PHLPP2: variants seen among roughly 807,000 people sequenced by gnomAD.
PHLPP2 encodes PH domain and leucine rich repeat protein phosphatase 2.
A neutral mutation model predicts 124.9 loss-of-function variants in PHLPP2; 66 were observed. The observed-to-expected ratio is 0.53, with a 90% CI of 0.43 to 0.65. PHLPP2 has a LOEUF of 0.65. PHLPP2 is among the 30% of genes least tolerant of loss of function. The probability of loss-of-function intolerance (pLI) is 0.00; values close to 1 mark genes in which losing one functional copy is unlikely to be tolerated. For synonymous variants in PHLPP2, 681 were observed against 624.7 expected, an observed-to-expected ratio of 1.09 and a Z score of -1.34; for missense variants, 1,685 against 1,600.4, an observed-to-expected ratio of 1.05 and a Z score of -0.90.
chr16:71,650,064 A>T lies in PHLPP2; in HGVS notation c.2818-20T>A, dbSNP rs1489003701. On this transcript the variant is annotated intron_variant, in intron 18 of 18. Coordinates refer to ENST00000568954, the MANE Select transcript of PHLPP2 (RefSeq NM_015020.3). ...GTTGTCCTACAGAAGAGCAGGACAC[A>T]AATTCTGAGAAACAAGCAACGATGA... The T allele has an allele frequency of 1.3e-6, 2 of 1,582,076 alleles. No individual in the cohort carries two copies. The highest frequency in any genetic ancestry group is 2.2e-5 in the South Asian group (2 of 90,120).
chr16:71,648,808 G>C lies in PHLPP2; in HGVS notation c.*82C>G. 1 of 984,650 alleles carries C rather than the reference G, an allele frequency of 1.0e-6. No individual in the cohort carries two copies. The allele number at this position is 984,650 out of a possible 1,614,324, so 61.0% of individuals were successfully genotyped here. On this transcript the variant is annotated 3_prime_UTR_variant, in exon 19 of 19. Coordinates refer to ENST00000568954, the MANE Select transcript of PHLPP2 (RefSeq NM_015020.3). ...CAAAAAAAAAACGAACAAACAAAAA[G>C]AAATGTAGAGGCAGAATGCCTCTAG...
In PHLPP2 at chr16:71,656,657, A is replaced by G; in HGVS notation, c.2304T>C (p.Asp768=). The G allele has an allele frequency of 6.2e-7, 1 of 1,612,232 alleles. No homozygotes were observed. Among genetic ancestry groups the G allele is most frequent in the East Asian group, 2.2e-5 (1 of 44,854 alleles). ...AATCTGTGGTTGGCAAAGGTTTCTG[A>G]TCAATTTTCAGGGTTGTGATATGGC... is the stretch of plus-strand genomic sequence containing the variant. ...IFSHITTLKI[D]QKPLPTTDST... is the part of the protein sequence containing the mutation. Residue 768 remains aspartate (D), a synonymous_variant, in exon 16 of 19, where the codon GAT becomes GAC. Transcript: ENST00000568954.
At chr16:71,650,073 G>T in intron 18 of PHLPP2, 29 bp from the exon 19 acceptor site, 1 of 1,569,568 alleles carries the variant, frequency 6.4e-7, no homozygotes, top group South Asian at 1.1e-5. Context: ...CAAATTCTGA[G>T]AAACAAGCAA....
chr16:71,684,610 G>T lies in PHLPP2; in HGVS notation c.610-9C>A. On this transcript the variant is annotated splice_polypyrimidine_tract_variant and intron_variant, in intron 4 of 18. Transcript: ENST00000568954. ...CGCTTCACTTCTTCTATCTGAAGAA[G>T]AGGAGGGGAGAAAACCAGAACCACT... The T allele has an allele frequency of 6.3e-7, 1 of 1,598,476 alleles. No homozygotes were observed.
chr16:71,664,213 G>GAAAAAAA (rs539298017), intron 12 of PHLPP2, 114 bp from the exon 13 acceptor site: 1 of 466,558 alleles, frequency 2.1e-6, no homozygotes. Context: ...TTCCAAATGG[G>GAAAAAAA]AAAAAAAAAA....
In PHLPP2 at chr16:71,663,979, C is replaced by T. The variant is rs145376634; in HGVS notation, c.1905G>A (p.Gln635=). The change falls in exon 13 of 19, where the codon CAG becomes CAA. Residue 635 remains glutamine (Q), a synonymous_variant. Transcript: ENST00000568954. ...LYLTNNLLTD[Q]CIPVLVGHLH... ...GGTGCCCTACCAGGACAGGTATGCA[C>T]TGATCCGTCAGGAGATTGTTGGTCA... The T allele has an allele frequency of 1.2e-6, 2 of 1,614,008 alleles. No individual in the cohort carries two copies. The highest frequency in any genetic ancestry group is 3.3e-5 in the Admixed American group (2 of 60,016).
chr16:71,694,916 C>T (rs1284496440), intron 3 of PHLPP2, among the ~76,000 whole-genome samples: 2 of 152,030 alleles, frequency 1.3e-5, no homozygotes, highest in Non-Finnish European at 2.9e-5. Flanking sequence ...TCCCGAGTAG[C>T]TGGGACTACA....
At chr16:71,679,637 T>C in intron 6 of PHLPP2, 102 bp from the exon 7 acceptor site, 2 of 941,622 alleles carry the variant, frequency 2.1e-6, no homozygotes, top group Non-Finnish European at 1.6e-6. Flanking sequence ...TAAATGTCTA[T>C]AATAGAATTT....
intron 1 of PHLPP2, among the ~76,000 whole-genome samples, chr16:71,720,682 T>C (rs897219119): frequency 1.3e-5 from 2 of 151,272 alleles, no homozygotes; most frequent in African/African-American, 2.4e-5. Flanking sequence ...CTGACCAACA[T>C]AGAGAAACCC....
intron 3 of PHLPP2, among the ~76,000 whole-genome samples, chr16:71,694,785 AT>A (rs796670304): frequency 1.0e-4 from 15 of 149,084 alleles, no homozygotes; most frequent in African/African-American, 1.5e-4. Flanking sequence ...CATTTTTTAA[AT>A]TTTTTTTTTT....
intron 13 of PHLPP2, among the ~76,000 whole-genome samples, chr16:71,659,725 C>T (rs2145313483): frequency 6.6e-6 from 1 of 152,266 alleles, no homozygotes; most frequent in South Asian, 2.1e-4. Flanking sequence ...AGCAAAATAA[C>T]TTAAGTGAGA....
At chr16:71,661,369 C>A (rs145788576) in intron 13 of PHLPP2, among the ~76,000 whole-genome samples, 1 of 152,162 alleles carries the variant, frequency 6.6e-6, no homozygotes, top group East Asian at 1.9e-4. Context: ...CCGTGCCAGG[C>A]CTAATTCTTG....
chr16:71,677,453 C>CATATATATAT (rs9302629), intron 8 of PHLPP2: 26 of 133,768 alleles, frequency 1.9e-4, no homozygotes, highest in African/African-American at 2.9e-4. Context: ...ATAATCTGCA[C>CATATATATAT]ATATATATAT....
At chr16:71,653,885 C>T (rs1314724005) in intron 17 of PHLPP2, among the ~76,000 whole-genome samples, 1 of 151,792 alleles carries the variant, frequency 6.6e-6, no homozygotes, top group African/African-American at 2.4e-5. Context: ...CACGGTGAAA[C>T]CCCATCCCTA....
At chr16:71,658,435 C>T in intron 14 of PHLPP2, 72 bp from the exon 15 acceptor site, 1 of 1,399,776 alleles carries the variant, frequency 7.1e-7, no homozygotes, top group Non-Finnish European at 9.8e-7. Flanking sequence ...AGTGTCCAAT[C>T]TCTTACTATA....
intron 11 of PHLPP2, among the ~76,000 whole-genome samples, chr16:71,668,388 C>A (rs2044858285): frequency 7.6e-6 from 1 of 131,484 alleles, no homozygotes; most frequent in Non-Finnish European, 1.5e-5. Flanking sequence ...TGCACTCCAG[C>A]CTGGGCGATA....
At chr16:71,696,444 C>G (rs2045171959) in intron 3 of PHLPP2, among the ~76,000 whole-genome samples, 1 of 152,040 alleles carries the variant, frequency 6.6e-6, no homozygotes, top group Admixed American at 6.6e-5. Context: ...CGAGACCAGC[C>G]TGACCAACAT....
chr16:71,676,449 T>C lies in PHLPP2; in HGVS notation c.1469A>G (p.Asn490Ser). ...AAAAGGCTGCAGAGAAAACTCACTG[T>C]TGGAACTGGCATAGAGGGTCCGAAG... ...FSLRTLYASSNRLTAVNVYPV... is the reference protein window; with the variant it reads ...FSLRTLYASSSRLTAVNVYPV... The change falls in exon 9 of 19, where the codon AAC (asparagine) becomes AGC (serine). Residue 490 changes from asparagine (N) to serine (S), a missense_variant and splice_region_variant. Coordinates refer to ENST00000568954, the MANE Select transcript of PHLPP2 (RefSeq NM_015020.3). The C allele has an allele frequency of 1.9e-6, 3 of 1,613,246 alleles. No individual in the cohort carries two copies. The highest frequency in any genetic ancestry group is 2.2e-5 in the East Asian group (1 of 44,878).
chr16:71,691,460 C>CAAATAAAT (rs57388026), intron 3 of PHLPP2, among the ~76,000 whole-genome samples: 134 of 139,506 alleles, frequency 9.6e-4, no homozygotes, highest in Non-Finnish European at 1.7e-3. Flanking sequence ...GACGCTGTCT[C>CAAATAAAT]AAATAAATAA....
Sources: gnomAD v4.1 joint callset for allele counts (sites outside exome capture counted in the v4.1 genomes callset) on GRCh38, gnomAD v4.1.1 for gene constraint, MANE v1.5 for transcripts, NCBI Gene and HGNC (gene_info 2026-07-23, HGNC 2026-07-21) for gene names.